The following TENM2 variants were observed in gnomAD, a reference collection of about 807,000 sequenced individuals.
TENM2 encodes teneurin transmembrane protein 2, also known as teneurin-2.
Under a neutral mutation model 245.2 loss-of-function variants are expected in TENM2, and 52 were observed. The observed-to-expected ratio is 0.21, with a 90% confidence interval of 0.17 to 0.27. The LOEUF (loss-of-function observed/expected upper bound fraction) is 0.27, where lower values mean the gene tolerates loss of function less well. Ranked by LOEUF, TENM2 falls within the 10% of genes least tolerant of loss-of-function variation. TENM2 has a pLI of 1.00. For synonymous variants in TENM2, 1,363 were observed against 1,438.9 expected, an observed-to-expected ratio of 0.95 and a Z score of 1.19; for missense variants, 3,046 against 3,666.8, an observed-to-expected ratio of 0.83 and a Z score of 4.37.
intron 2 of TENM2, among the ~76,000 whole-genome samples, chr5:167,639,794 C>T (rs989595459): frequency 6.6e-6 from 1 of 152,100 alleles, no homozygotes; most frequent in Admixed American, 6.6e-5. Context: ...TTTCTTACAC[C>T]TAGACTCTAA....
chr5:168,016,743 G>A (rs1785689708), intron 5 of TENM2, among the ~76,000 whole-genome samples: 1 of 152,172 alleles, frequency 6.6e-6, no homozygotes, highest in African/African-American at 2.4e-5. Context: ...GGATAGAATG[G>A]CGCTGGAATC....
chr5:167,924,926 T>C (rs913740735), intron 3 of TENM2, among the ~76,000 whole-genome samples: 1 of 152,230 alleles, frequency 6.6e-6, no homozygotes, highest in Non-Finnish European at 1.5e-5. Context: ...TCACATACTC[T>C]ACATGTGGTA....
At chr5:167,401,153 G>C (rs1762347593) in intron 2 of TENM2, among the ~76,000 whole-genome samples, 1 of 152,032 alleles carries the variant, frequency 6.6e-6, no homozygotes, top group Admixed American at 6.6e-5. Flanking sequence ...AATAAAAGCT[G>C]AGCGAACACT....
intron 2 of TENM2, among the ~76,000 whole-genome samples, chr5:167,432,191 T>G (rs1028920112): frequency 1.3e-5 from 2 of 151,552 alleles, no homozygotes; most frequent in Non-Finnish European, 2.9e-5. Context: ...GTGAGTGGTT[T>G]ACCTCCATAA....
the TENM2 span, among the ~76,000 whole-genome samples, chr5:167,254,689 A>G: frequency 6.6e-6 from 1 of 152,188 alleles, no homozygotes; most frequent in South Asian, 2.1e-4. Flanking sequence ...CTATGACATA[A>G]TAAAAAATGA....
At chr5:167,398,204 A>G (rs1476445924) in intron 2 of TENM2, among the ~76,000 whole-genome samples, 1 of 152,122 alleles carries the variant, frequency 6.6e-6, no homozygotes, top group Non-Finnish European at 1.5e-5. Context: ...TTTTGGAGTC[A>G]GATAGACAAG....
the TENM2 span, among the ~76,000 whole-genome samples, chr5:167,105,879 C>T: frequency 2.3e-5 from 2 of 87,108 alleles, no homozygotes; most frequent in African/African-American, 1.0e-4. Flanking sequence ...CAGAGCGAGA[C>T]TCCGTCTCAA....
At chr5:167,988,647 T>C (rs1343389639) in intron 4 of TENM2, among the ~76,000 whole-genome samples, 1 of 151,912 alleles carries the variant, frequency 6.6e-6, no homozygotes, top group East Asian at 1.9e-4. Flanking sequence ...ATATGATGGA[T>C]GGAGTGAGGG....
intron 12 of TENM2, among the ~76,000 whole-genome samples, chr5:168,141,248 CT>C (rs1289016210): frequency 6.6e-6 from 1 of 152,108 alleles, no homozygotes; most frequent in Admixed American, 6.6e-5. Flanking sequence ...CTTGCTCTTC[CT>C]TCTAAATTGT....
chr5:168,200,444 T>C (rs1471276591), intron 17 of TENM2, among the ~76,000 whole-genome samples: 1 of 152,168 alleles, frequency 6.6e-6, no homozygotes, highest in East Asian at 1.9e-4. Context: ...AGGGCAGCAT[T>C]TAAGCAGAGA....
the TENM2 span, among the ~76,000 whole-genome samples, chr5:167,249,602 GT>G: frequency 1.2e-4 from 19 of 152,168 alleles, no homozygotes; most frequent in African/African-American, 4.6e-4. Flanking sequence ...AAGATATATT[GT>G]CTCTTTACCT....
intron 1 of TENM2, chr5:167,309,668 C>T (rs1248935585): frequency 6.6e-6 from 1 of 152,136 alleles, no homozygotes; most frequent in Non-Finnish European, 1.5e-5. Context: ...TGTCAAAAAA[C>T]ACTTAAGGTT....
At chr5:167,592,646 T>C (rs911604583) in intron 2 of TENM2, among the ~76,000 whole-genome samples, 9 of 152,228 alleles carry the variant, frequency 5.9e-5, no homozygotes, top group Non-Finnish European at 1.2e-4. Context: ...ATTTTTCTTT[T>C]GCCCAACCCT....
chr5:167,792,558 C>G (rs763341153), intron 2 of TENM2, among the ~76,000 whole-genome samples: 1 of 151,998 alleles, frequency 6.6e-6, no homozygotes, highest in African/African-American at 2.4e-5. Context: ...CTGTCCACCT[C>G]ACTGACTATA....
intron 1 of TENM2, among the ~76,000 whole-genome samples, chr5:167,364,804 AAG>A (rs1163546931): frequency 2.0e-5 from 3 of 152,030 alleles, no homozygotes; most frequent in Non-Finnish European, 4.4e-5. Context: ...TACAGCGAGA[AAG>A]AGAAGGAATA....
the TENM2 span, among the ~76,000 whole-genome samples, chr5:167,059,663 G>GTTATTTGATACTTCAAATGC: frequency 0.59 from 85,040 of 143,468 alleles, 27,421 homozygotes; most frequent in African/African-American, 0.89. Flanking sequence ...GTTACTGATA[G>GTTATTTGATACTTCAAATGC]TTATTTGATA....
At chr5:167,918,789 T>TC (rs1554145147) in intron 3 of TENM2, among the ~76,000 whole-genome samples, 3 of 151,790 alleles carry the variant, frequency 2.0e-5, no homozygotes, top group African/African-American at 7.3e-5. Flanking sequence ...TTTTTTTTTT[T>TC]TGTAGCCTGT....
At chr5:167,430,712 G>A (rs989409831) in intron 2 of TENM2, among the ~76,000 whole-genome samples, 1 of 152,100 alleles carries the variant, frequency 6.6e-6, no homozygotes, top group South Asian at 2.1e-4. Flanking sequence ...TAGGGGTTTT[G>A]AAAAATGGAC....
chr5:167,874,105 T>C (rs1252139867), intron 2 of TENM2, among the ~76,000 whole-genome samples: 1 of 152,144 alleles, frequency 6.6e-6, no homozygotes, highest in Non-Finnish European at 1.5e-5. Context: ...GAATCCTTAT[T>C]TGACTCTAAA....
Sources: gnomAD v4.1 joint callset for allele counts (sites outside exome capture counted in the v4.1 genomes callset) on GRCh38, gnomAD v4.1.1 for gene constraint, MANE v1.5 for transcripts, NCBI Gene and HGNC (gene_info 2026-07-23, HGNC 2026-07-21) for gene names.